The following OOEP variants were observed in gnomAD, a reference collection of about 807,000 sequenced individuals.
OOEP encodes the protein oocyte expressed protein.
OOEP carries 16 observed loss-of-function variants against 13.7 expected under a neutral mutation model. The observed-to-expected ratio is 1.16, with a 90% CI of 0.79 to 1.77. The LOEUF (loss-of-function observed/expected upper bound fraction) is 1.77, where lower values mean the gene tolerates loss of function less well. Ranked by LOEUF, OOEP falls within the 40% of genes most tolerant of loss-of-function variation. OOEP has a pLI of 0.00. For synonymous variants in OOEP, 89 were observed against 77.1 expected, an observed-to-expected ratio of 1.15 and a Z score of -0.81; for missense variants, 195 against 193.1, an observed-to-expected ratio of 1.01 and a Z score of -0.06.
At chr6:73,376,739 C>T (rs1247665985) in intron 2 of OOEP, among the ~76,000 whole-genome samples, 1 of 152,196 alleles carries the variant, frequency 6.6e-6, no homozygotes, top group Non-Finnish European at 1.5e-5. Flanking sequence ...GCAACCTCCA[C>T]CTCCCAGGTT....
intron 2 of OOEP, among the ~76,000 whole-genome samples, chr6:73,388,424 A>G (rs1769303745): frequency 6.6e-6 from 1 of 152,192 alleles, no homozygotes; most frequent in Non-Finnish European, 1.5e-5. Flanking sequence ...TCTGGGTAAT[A>G]CTTTTATTTT....
chr6:73,391,984 G>T (rs981125840), intron 2 of OOEP, among the ~76,000 whole-genome samples: 2 of 152,202 alleles, frequency 1.3e-5, no homozygotes, highest in African/African-American at 2.4e-5. Context: ...CCTGGCTGTT[G>T]AAAGTTCCTA....
chr6:73,389,150 C>T (rs1187071772), intron 2 of OOEP, among the ~76,000 whole-genome samples: 1 of 152,144 alleles, frequency 6.6e-6, no homozygotes, highest in Non-Finnish European at 1.5e-5. Context: ...CCAGAGGCTT[C>T]GGACAGAAGA....
At chr6:73,377,452 T>TGA in intron 2 of OOEP, among the ~76,000 whole-genome samples, 1 of 152,196 alleles carries the variant, frequency 6.6e-6, no homozygotes, top group African/African-American at 2.4e-5. Flanking sequence ...ACCTCGAACT[T>TGA]TCTCAAGTTC....
At position 73,369,818 on chromosome 6, in the gene OOEP, G is replaced by C; in HGVS notation, c.-26C>G. 1 of 1,597,832 alleles carries C rather than the reference G, an allele frequency of 6.3e-7. No individual in the cohort carries two copies. The highest frequency in any genetic ancestry group is 8.5e-7 in the Non-Finnish European group (1 of 1,170,680). On this transcript the variant is annotated 5_prime_UTR_variant, in exon 1 of 3. Transcript: ENST00000370359. ...ACTGGGACCAGCAGCCGCGGAGCGC[G>C]CTCGAGGCGGCTTTCGCAAGACCTC...
intron 2 of OOEP, among the ~76,000 whole-genome samples, chr6:73,393,017 C>T (rs1156437906): frequency 6.6e-6 from 1 of 151,954 alleles, no homozygotes; most frequent in African/African-American, 2.4e-5. Context: ...ATCTGCCTGC[C>T]TCACATTCCC....
intron 2 of OOEP, among the ~76,000 whole-genome samples, chr6:73,376,508 T>C (rs1769141924): frequency 6.7e-6 from 1 of 149,168 alleles, no homozygotes; most frequent in East Asian, 2.0e-4. Flanking sequence ...AGACGGAGTC[T>C]GTTGCTCAGG....
chr6:73,372,807 C>G (rs377370949), upstream of OOEP, among the ~76,000 whole-genome samples: 1 of 151,882 alleles, frequency 6.6e-6, no homozygotes, highest in Non-Finnish European at 1.5e-5. Context: ...GTGGGCCTGA[C>G]GCCAGCCCGA....
intron 2 of OOEP, 133 bp downstream of exon 2, chr6:73,369,073 T>C (rs1263883334): frequency 7.4e-5 from 72 of 976,120 alleles, no homozygotes; most frequent in Non-Finnish European, 1.0e-4. Flanking sequence ...CCAACAAACT[T>C]CGTACAGCTA....
At chr6:73,394,433 G>T in exon 2 of OOEP, 1 of 708,838 alleles carries the variant, frequency 1.4e-6, no homozygotes, top group South Asian at 1.5e-5. Context: ...AAGATCACTT[G>T]AAGCCAGAAG....
chr6:73,382,000 C>A (rs1340834492), intron 2 of OOEP, among the ~76,000 whole-genome samples: 1 of 151,840 alleles, frequency 6.6e-6, no homozygotes, highest in African/African-American at 2.4e-5. Context: ...ACAAAACAAA[C>A]AAAAAACAAA....
intron 2 of OOEP, among the ~76,000 whole-genome samples, chr6:73,385,272 G>A (rs1157437942): frequency 4.0e-5 from 6 of 151,698 alleles, no homozygotes; most frequent in African/African-American, 9.7e-5. Context: ...GCGTGAACCC[G>A]GGAGAGGAGC....
intron 2 of OOEP, among the ~76,000 whole-genome samples, chr6:73,386,974 T>A (rs1582629724): frequency 2.7e-5 from 1 of 36,584 alleles, no homozygotes; most frequent in Non-Finnish European, 4.7e-5. Flanking sequence ...AAATTCCATC[T>A]CAGAAAAAAA....
intron 2 of OOEP, among the ~76,000 whole-genome samples, chr6:73,383,850 C>CT (rs1196342045): frequency 6.6e-6 from 1 of 152,064 alleles, no homozygotes; most frequent in Non-Finnish European, 1.5e-5. Flanking sequence ...TGTAATCACA[C>CT]TTTGGGAGGC....
chr6:73,395,101 G>C, upstream of OOEP: 2 of 1,614,152 alleles, frequency 1.2e-6, no homozygotes, highest in Non-Finnish European at 8.5e-7. Flanking sequence ...CGCTGGTCAC[G>C]AGGAACTGCC....
At chr6:73,382,464 C>A (rs550237237) in intron 2 of OOEP, among the ~76,000 whole-genome samples, 1 of 151,992 alleles carries the variant, frequency 6.6e-6, no homozygotes, top group South Asian at 2.1e-4. Flanking sequence ...GATCCACCTG[C>A]CTCAGCCTCC....
At chr6:73,378,559 C>CTA (rs553425617) in intron 2 of OOEP, among the ~76,000 whole-genome samples, 238 of 151,644 alleles carry the variant, frequency 1.6e-3, no homozygotes, top group African/African-American at 5.2e-3. Flanking sequence ...GAAAGAAAAT[C>CTA]TATATATATA....
At chr6:73,385,517 T>G (rs1250668208) in intron 2 of OOEP, among the ~76,000 whole-genome samples, 1 of 151,698 alleles carries the variant, frequency 6.6e-6, no homozygotes, top group Non-Finnish European at 1.5e-5. Context: ...TTTCAAGAGA[T>G]GCAGCAAATG....
intron 2 of OOEP, 136 bp downstream of exon 2, chr6:73,369,070 A>G: frequency 3.1e-6 from 3 of 962,724 alleles, no homozygotes; most frequent in Non-Finnish European, 4.6e-6. Context: ...CTCCCAACAA[A>G]CTTCGTACAG....
Sources: allele counts gnomAD v4.1 joint callset (sites outside exome capture counted in the v4.1 genomes callset), GRCh38; gene constraint gnomAD v4.1.1; transcripts MANE v1.5; gene names NCBI Gene and HGNC (gene_info 2026-07-23, HGNC 2026-07-21).